Variants in LMBR1 observed in about 807,000 individuals in gnomAD.
The protein encoded by LMBR1 is limb region 1 protein homolog.
A neutral mutation model predicts 73.9 loss-of-function variants in LMBR1; 52 were observed. The observed-to-expected ratio is 0.70, with a 90% confidence interval of 0.56 to 0.89. The LOEUF (loss-of-function observed/expected upper bound fraction) is 0.89, where lower values mean the gene tolerates loss of function less well. LMBR1 is among the 40% of genes least tolerant of loss of function. LMBR1 has a pLI of 0.00. For synonymous variants in LMBR1, 215 were observed against 209.4 expected (o/e 1.03, Z -0.23); for missense variants, 539 against 579.8 (o/e 0.93, Z 0.72).
intron 5 of LMBR1, among the ~76,000 whole-genome samples, chr7:156,795,063 T>C (rs1829863963): frequency 2.0e-5 from 3 of 152,168 alleles, no homozygotes; most frequent in Admixed American, 2.0e-4. Context: ...TTGTGCACCC[T>C]CATCTCTCAC....
intron 4 of LMBR1, among the ~76,000 whole-genome samples, chr7:156,805,901 A>G (rs1831968710): frequency 6.6e-6 from 1 of 152,030 alleles, no homozygotes; most frequent in South Asian, 2.1e-4. Context: ...GACAGAAGAG[A>G]GTTTGCTTTC....
chr7:156,829,132 A>C (rs1442978300), intron 3 of LMBR1, among the ~76,000 whole-genome samples: 5 of 152,222 alleles, frequency 3.3e-5, no homozygotes. Flanking sequence ...TTGCGTCAGG[A>C]ATAAAGGCTC....
At chr7:156,756,615 T>C in intron 8 of LMBR1, 150 bp from the exon 9 acceptor site, 1 of 565,952 alleles carries the variant, frequency 1.8e-6, no homozygotes. Flanking sequence ...CTATGTTATT[T>C]ATAAATTAAG....
At chr7:156,854,028 C>G (rs564847555) in intron 1 of LMBR1, among the ~76,000 whole-genome samples, 1 of 150,004 alleles carries the variant, frequency 6.7e-6, no homozygotes, top group South Asian at 2.1e-4. Flanking sequence ...AAGCAATCTT[C>G]AAGTAAATCA....
At chr7:156,738,061 G>C (rs1349755289) in intron 9 of LMBR1, among the ~76,000 whole-genome samples, 1 of 152,208 alleles carries the variant, frequency 6.6e-6, no homozygotes, top group Non-Finnish European at 1.5e-5. Context: ...TCATACACCT[G>C]AAAGAGGCAC....
intron 9 of LMBR1, among the ~76,000 whole-genome samples, chr7:156,735,548 G>GTTTTTTTTTTTTTT: frequency 7.0e-6 from 1 of 142,168 alleles, no homozygotes; most frequent in Non-Finnish European, 1.5e-5. Context: ...TAAGAGTGGT[G>GTTTTTTTTTTTTTT]TTTTTTTTTT....
intron 4 of LMBR1, among the ~76,000 whole-genome samples, chr7:156,802,764 G>GC (rs1831231150): frequency 6.7e-6 from 1 of 149,764 alleles, no homozygotes; most frequent in Non-Finnish European, 1.5e-5. Flanking sequence ...TATAATCCCT[G>GC]CCCCCTGCCA....
chr7:156,759,065 T>A (rs997018300), intron 8 of LMBR1, among the ~76,000 whole-genome samples: 4 of 152,218 alleles, frequency 2.6e-5, no homozygotes, highest in Admixed American at 6.5e-5. Flanking sequence ...GATATTCTAG[T>A]GTAGCAGAAG....
At chr7:156,765,384 C>G (rs111630777) in intron 5 of LMBR1, among the ~76,000 whole-genome samples, 5 of 152,282 alleles carry the variant, frequency 3.3e-5, no homozygotes, top group African/African-American at 1.2e-4. Flanking sequence ...CATTCTCTCT[C>G]CTGCCACCCT....
intron 15 of LMBR1, among the ~76,000 whole-genome samples, chr7:156,710,279 T>C (rs983735996): frequency 6.6e-6 from 1 of 152,134 alleles, no homozygotes; most frequent in African/African-American, 2.4e-5. Flanking sequence ...ATGTTAACAA[T>C]ATAGGATATG....
chr7:156,798,190 G>A lies in LMBR1; in HGVS notation c.320-1698C>T, dbSNP rs188895927. On this transcript the variant is annotated intron_variant, in intron 4 of 16. Coordinates refer to ENST00000353442, the MANE Select transcript of LMBR1 (RefSeq NM_022458.4). ...TCATCTATCAAATATGGCTAATGAC[G>A]GGTCTGTAGACATTGGTAAGCATTA... Among the ~76,000 whole-genome samples the A allele has an allele frequency of 1.6e-3, 249 of 152,226 alleles. 1 individual carries two copies. Among genetic ancestry groups the A allele is most frequent in the African/African-American group, 5.9e-3 (243 of 41,528 alleles).
chr7:156,749,061 GT>G (rs1182691252), intron 9 of LMBR1, among the ~76,000 whole-genome samples: 2 of 152,088 alleles, frequency 1.3e-5, no homozygotes, highest in African/African-American at 2.4e-5. Flanking sequence ...GGACACAAAT[GT>G]TTTTTGATTA....
At chr7:156,779,790 G>A in intron 5 of LMBR1, 1 of 744,086 alleles carries the variant, frequency 1.3e-6, no homozygotes. Context: ...AGGAAGCCTG[G>A]GAAAACTTCT....
rs1008578799 is a variant in LMBR1 at position 156,763,261 on chromosome 7, C to T, written c.551-85G>A. 6 of 576,004 alleles carry T rather than the reference C, an allele frequency of 1.0e-5. No homozygotes were observed. In the African/African-American group the frequency reaches 1.2e-4, roughly 11 times the overall value. The allele number at this position is 576,004 out of a possible 1,614,324, so 35.7% of individuals were successfully genotyped here. ...AGTCTATCTTACGATAAGATAGAGG[C>T]TGACTGTACCTCATGTAAACATTGT... is the stretch of plus-strand genomic sequence containing the variant. On this transcript the variant is annotated intron_variant, in intron 6 of 16. Transcript: ENST00000353442.
Position 156,841,977 on chromosome 7 carries a change from G to T in LMBR1, c.67-5092C>A, listed in dbSNP as rs187719365. On this transcript the variant is annotated intron_variant, in intron 1 of 16. Coordinates refer to ENST00000353442, the MANE Select transcript of LMBR1 (RefSeq NM_022458.4). ...GCAATTGCTGAAGTTATGTGCTCAA[G>T]TTGTGGGAGTGATATAAAATGTATC... Among the ~76,000 whole-genome samples the T allele has an allele frequency of 7.8e-5, 11 of 140,584 alleles. 1 individual carries two copies. 92.2% of individuals were successfully genotyped at this position (140,584 alleles called of 152,430 possible). A position where few individuals can be genotyped will look rare whatever the true frequency, so the allele number is the denominator to read the frequency against.
At chr7:156,741,025 T>C (rs1818795486) in intron 9 of LMBR1, among the ~76,000 whole-genome samples, 1 of 152,094 alleles carries the variant, frequency 6.6e-6, no homozygotes, top group Non-Finnish European at 1.5e-5. Context: ...AGTTAAAGTG[T>C]AGAGTCTGTA....
At chr7:156,866,426 T>C (rs1407448742) in intron 1 of LMBR1, among the ~76,000 whole-genome samples, 1 of 151,464 alleles carries the variant, frequency 6.6e-6, no homozygotes, top group Non-Finnish European at 1.5e-5. Context: ...CTGGTGCTAA[T>C]TCATTGTTGG....
chr7:156,824,142 A>ACACGCG (rs147931890), intron 4 of LMBR1, among the ~76,000 whole-genome samples: 1 of 151,632 alleles, frequency 6.6e-6, no homozygotes, highest in Admixed American at 6.6e-5. Context: ...ATATATACAC[A>ACACGCG]CGCGCGCGCG....
chr7:156,886,086 T>G (rs1223000928), intron 1 of LMBR1, among the ~76,000 whole-genome samples: 2 of 149,680 alleles, frequency 1.3e-5, no homozygotes, highest in East Asian at 3.9e-4. Flanking sequence ...AGTAGGAAGA[T>G]CTCTTGAGCC....
Sources: gnomAD v4.1 joint callset for allele counts (sites outside exome capture counted in the v4.1 genomes callset) on GRCh38, gnomAD v4.1.1 for gene constraint, MANE v1.5 for transcripts, NCBI Gene and HGNC (gene_info 2026-07-23, HGNC 2026-07-21) for gene names.